TBCD: variants seen among roughly 807,000 people sequenced by gnomAD.
TBCD encodes tubulin-specific chaperone D.
A neutral mutation model predicts 169.3 loss-of-function variants in TBCD; 105 were observed. That is an observed-to-expected ratio of 0.62 (90% CI 0.53 to 0.73). TBCD has a LOEUF of 0.73. TBCD is among the 30% of genes least tolerant of loss of function. The pLI, the probability that TBCD is intolerant of heterozygous loss-of-function variation, is 0.00. For synonymous variants in TBCD, 700 were observed against 643.9 expected, an observed-to-expected ratio of 1.09 and a Z score of -1.32; for missense variants, 1,444 against 1,600.1, an observed-to-expected ratio of 0.90 and a Z score of 1.66.
intron 2 of TBCD, among the ~76,000 whole-genome samples, chr17:82,760,519 T>C (rs1168956025): frequency 1.1e-4 from 16 of 152,234 alleles, no homozygotes; most frequent in Non-Finnish European, 2.4e-4. Flanking sequence ...CTATTTGTTA[T>C]GTGTTCTAAC....
rs527939778 is a variant in TBCD, at chr17:82,931,327, C to T, written c.3113+684C>T. ...ATCAGCTGCACATAAAGGGGCAGTTCGATCGATTTTGATAGGTGTCCACCC... is the reference window on the plus strand; with the variant it reads ...ATCAGCTGCACATAAAGGGGCAGTTTGATCGATTTTGATAGGTGTCCACCC... On this transcript the variant is annotated intron_variant, in intron 33 of 38. Transcript: ENST00000355528. Among the ~76,000 whole-genome samples, 9 of 152,326 alleles carry T rather than the reference C, an allele frequency of 5.9e-5. No individual in the cohort carries two copies. The South Asian group carries it at 1.0e-3, about 18-fold the overall frequency.
At chr17:82,870,831 A>G (rs1007794680) in intron 14 of TBCD, among the ~76,000 whole-genome samples, 1 of 152,166 alleles carries the variant, frequency 6.6e-6, no homozygotes, top group African/African-American at 2.4e-5. Context: ...ATCTCCTTTC[A>G]AGTTCCTCTG....
At chr17:82,813,980 A>G (rs973330601) in intron 12 of TBCD, among the ~76,000 whole-genome samples, 6 of 152,202 alleles carry the variant, frequency 3.9e-5, no homozygotes, top group Non-Finnish European at 7.3e-5. Flanking sequence ...TAGTCATACA[A>G]TTTAGTGGGT....
chr17:82,865,513 G>C (rs2057106408), intron 13 of TBCD: 1 of 985,378 alleles, frequency 1.0e-6, no homozygotes, highest in Non-Finnish European at 1.2e-6. Context: ...TCCTCGTGGA[G>C]GGTGTGGCGG....
intron 5 of TBCD, among the ~76,000 whole-genome samples, chr17:82,769,430 G>A (rs1003278090): frequency 3.3e-5 from 5 of 152,190 alleles, no homozygotes; most frequent in African/African-American, 1.2e-4. Flanking sequence ...GCACTAGGAG[G>A]CTGTCAGGCT....
chr17:82,917,536 C>G (rs1239296448), intron 23 of TBCD, among the ~76,000 whole-genome samples: 2 of 152,198 alleles, frequency 1.3e-5, no homozygotes, highest in Non-Finnish European at 2.9e-5. Flanking sequence ...CTCCACCAAG[C>G]TGCAGGAACA....
At chr17:82,819,372 T>C (rs930421937) in intron 13 of TBCD, among the ~76,000 whole-genome samples, 1 of 152,208 alleles carries the variant, frequency 6.6e-6, no homozygotes, top group Admixed American at 6.5e-5. Flanking sequence ...ATCCTGCTGA[T>C]TCCTCTCCAC....
chr17:82,899,181 G>A (rs1213307415), intron 17 of TBCD, among the ~76,000 whole-genome samples: 1 of 148,026 alleles, frequency 6.8e-6, no homozygotes, highest in Non-Finnish European at 1.5e-5. Context: ...CGCGTCCTCG[G>A]CTCGTGTCCT....
chr17:82,847,388 CCT>C (rs1391895895), intron 13 of TBCD, among the ~76,000 whole-genome samples: 1 of 150,604 alleles, frequency 6.6e-6, no homozygotes, highest in African/African-American at 2.4e-5. Flanking sequence ...AAGAAACAAC[CCT>C]GAGAACATCA....
chr17:82,822,416 C>T (rs2052490906), intron 13 of TBCD, among the ~76,000 whole-genome samples: 2 of 152,226 alleles, frequency 1.3e-5, no homozygotes. Context: ...GACATTTACG[C>T]TGAGAGCTTC....
intron 22 of TBCD, among the ~76,000 whole-genome samples, chr17:82,911,008 T>C (rs2060602280): frequency 6.6e-6 from 1 of 152,164 alleles, no homozygotes; most frequent in East Asian, 1.9e-4. Context: ...CCCACCAGTT[T>C]CTGGCCACCT....
intron 2 of TBCD, among the ~76,000 whole-genome samples, chr17:82,763,116 CTT>C (rs1298826468): frequency 1.3e-5 from 2 of 152,260 alleles, no homozygotes; most frequent in Non-Finnish European, 2.9e-5. Context: ...TTTTCTCTTA[CTT>C]GTTCTATCAG....
rs1182890419 is a variant in TBCD at position 82,890,234 on chromosome 17, G to A, written c.1563+537G>A. Among the ~76,000 whole-genome samples, 1 of 152,050 alleles carries A rather than the reference G, an allele frequency of 6.6e-6. No individual in the cohort carries two copies. The highest frequency in any genetic ancestry group is 2.4e-5 in the African/African-American group (1 of 41,286). On this transcript the variant is annotated intron_variant, in intron 16 of 38. Coordinates refer to ENST00000355528, the MANE Select transcript of TBCD (RefSeq NM_005993.5). The surrounding 1 kb of genome is among the most constrained non-coding windows in gnomAD (Gnocchi z 5.3). ...GAATGGGGGGCCCCAGGTTACTCATGTTGTGTGTGATGACGTCACATCTTG... is the reference window on the plus strand; with the variant it reads ...GAATGGGGGGCCCCAGGTTACTCATATTGTGTGTGATGACGTCACATCTTG...
chr17:82,775,268 T>TC (rs1195779747), intron 6 of TBCD, among the ~76,000 whole-genome samples: 1 of 152,150 alleles, frequency 6.6e-6, no homozygotes, highest in African/African-American at 2.4e-5. Context: ...GGAGCCTTTC[T>TC]CCCCCTTGGT....
In TBCD at chr17:82,789,821, C is replaced by T. The variant is rs2049572899; in HGVS notation, c.772-7936C>T. ...GGGTACACGTGTGACACTTCAGAAC[C>T]CGCAAGTCCCAGGTCACACCTGTTG... is the stretch of plus-strand genomic sequence containing the variant. On this transcript the variant is annotated intron_variant, in intron 7 of 38. Transcript: ENST00000355528. The surrounding 1 kb of genome is among the most constrained non-coding windows in gnomAD (Gnocchi z 4.8). Among the ~76,000 whole-genome samples, 1 of 152,216 alleles carries T rather than the reference C, an allele frequency of 6.6e-6. No individual in the cohort carries two copies. The highest frequency in any genetic ancestry group is 1.9e-4 in the East Asian group (1 of 5,196).
intron 13 of TBCD, among the ~76,000 whole-genome samples, chr17:82,856,499 G>A (rs1466436461): frequency 6.6e-6 from 1 of 152,102 alleles, no homozygotes; most frequent in Non-Finnish European, 1.5e-5. Flanking sequence ...CAAAATTCCT[G>A]CTGAAATCCT....
At chr17:82,919,663 T>C (rs1251161901) in intron 23 of TBCD, among the ~76,000 whole-genome samples, 2 of 152,118 alleles carry the variant, frequency 1.3e-5, no homozygotes, top group Non-Finnish European at 2.9e-5. Flanking sequence ...CGTTTTCCTC[T>C]TTCCAGTCGG....
chr17:82,827,993 G>A (rs970071329), intron 13 of TBCD, among the ~76,000 whole-genome samples: 3 of 142,108 alleles, frequency 2.1e-5, no homozygotes, highest in South Asian at 2.3e-4. Context: ...ACACCCAATC[G>A]AACGCACACA....
At chr17:82,900,973 C>A (rs2059848665) in intron 18 of TBCD, among the ~76,000 whole-genome samples, 1 of 152,256 alleles carries the variant, frequency 6.6e-6, no homozygotes, top group African/African-American at 2.4e-5. Flanking sequence ...GTGCAAATGT[C>A]CACGCTGGCG....
Sources: gnomAD v4.1 joint callset for allele counts (sites outside exome capture counted in the v4.1 genomes callset) on GRCh38, gnomAD v4.1.1 for gene constraint, Gnocchi (gnomAD v3.1) non-coding constraint, MANE v1.5 for transcripts, NCBI Gene and HGNC (gene_info 2026-07-23, HGNC 2026-07-21) for gene names.